Variants in EXOC6 observed in about 807,000 individuals in gnomAD.
EXOC6 encodes the protein exocyst complex component 6, also known as SEC15-like 1.
Under a neutral mutation model 112.5 loss-of-function variants are expected in EXOC6, and 60 were observed. The ratio of observed to expected loss-of-function variants is 0.53; its 90% CI spans 0.43 to 0.66. The LOEUF is 0.66. Among genes scored for constraint, EXOC6 ranks in the 30% least tolerant of loss-of-function variants. EXOC6 has a pLI of 0.00. For synonymous variants in EXOC6, 295 were observed against 308.0 expected, an observed-to-expected ratio of 0.96 and a Z score of 0.44; for missense variants, 855 against 957.1, an observed-to-expected ratio of 0.89 and a Z score of 1.41.
intron 1 of EXOC6, among the ~76,000 whole-genome samples, chr10:92,842,317 C>A (rs1846883639): frequency 6.8e-6 from 1 of 148,136 alleles, no homozygotes. Flanking sequence ...TGAGATCACA[C>A]CATTGCACTC....
intron 18 of EXOC6, among the ~76,000 whole-genome samples, chr10:92,976,679 A>T (rs181671899): frequency 0.016 from 1,704 of 104,804 alleles, 17 homozygotes; most frequent in Admixed American, 0.022. Context: ...ATAATAAATT[A>T]AAAAAAAAAA....
At position 92,950,696 on chromosome 10, in the gene EXOC6, C is replaced by T. The variant is rs573002356; in HGVS notation, c.1417-1577C>T. Among the ~76,000 whole-genome samples, 7 of 152,246 alleles carry T rather than the reference C, an allele frequency of 4.6e-5. No individual in the cohort carries two copies. The South Asian group carries it at 1.5e-3, about 32-fold the overall frequency. On this transcript the variant is annotated intron_variant, in intron 14 of 21. Coordinates refer to ENST00000260762, the MANE Select transcript of EXOC6 (RefSeq NM_019053.6). ...ATTGGAGAAGTAGAAAGGACCAGAC[C>T]ATAATGGCCCTACTAAACAGTGTTA...
At chr10:93,004,903 T>G (rs7081888) in intron 19 of EXOC6, among the ~76,000 whole-genome samples, 16,268 of 152,176 alleles carry the variant, frequency 0.11, 988 homozygotes, top group African/African-American at 0.16. Context: ...GAATTTGGAA[T>G]TGATAAATGT....
intron 1 of EXOC6, among the ~76,000 whole-genome samples, chr10:92,859,970 T>A (rs1847827772): frequency 6.6e-6 from 1 of 151,834 alleles, no homozygotes; most frequent in Non-Finnish European, 1.5e-5. Flanking sequence ...CACCACCAGG[T>A]AAAGGAAGCT....
chr10:92,967,234 A>G (rs1021276665), intron 17 of EXOC6, among the ~76,000 whole-genome samples: 1 of 151,994 alleles, frequency 6.6e-6, no homozygotes, highest in African/African-American at 2.4e-5. Context: ...TCCCATTTGT[A>G]GGTTGCCTGT....
chr10:92,922,228 G>A (rs976408699), intron 8 of EXOC6, among the ~76,000 whole-genome samples: 1 of 152,150 alleles, frequency 6.6e-6, no homozygotes, highest in Non-Finnish European at 1.5e-5. Context: ...TTACAGGCAT[G>A]AGCCACCGTG....
chr10:92,896,173 ATATATATATT>A (rs1849794873), intron 4 of EXOC6, among the ~76,000 whole-genome samples: 13 of 23,806 alleles, frequency 5.5e-4, no homozygotes, highest in African/African-American at 9.5e-4. Flanking sequence ...ATATATATAT[ATATATATATT>A]TTTTTTTTTT....
chr10:93,027,864 A>C (rs1389843766), intron 20 of EXOC6, among the ~76,000 whole-genome samples: 5 of 152,230 alleles, frequency 3.3e-5, no homozygotes, highest in Admixed American at 3.3e-4. Flanking sequence ...CCATGGATCA[A>C]GGAATGATTT....
chr10:93,037,856 G>GGTGAAA (rs1845582389), intron 20 of EXOC6, among the ~76,000 whole-genome samples: 1 of 149,854 alleles, frequency 6.7e-6, no homozygotes. Flanking sequence ...TCGAGACCAC[G>GGTGAAA]GTGAAACCCC....
intron 13 of EXOC6, among the ~76,000 whole-genome samples, chr10:92,941,870 CTTCT>C (rs1178764643): frequency 6.6e-6 from 1 of 152,124 alleles, no homozygotes. Flanking sequence ...TCCTCCCTCC[CTTCT>C]TTCTTTCTTT....
At chr10:93,009,845 C>A (rs1294689639) in intron 19 of EXOC6, among the ~76,000 whole-genome samples, 1 of 152,090 alleles carries the variant, frequency 6.6e-6, no homozygotes, top group East Asian at 1.9e-4. Flanking sequence ...TGCAAAGGAC[C>A]TTAGCCTTGT....
chr10:92,863,023 C>G (rs969091846), intron 1 of EXOC6, among the ~76,000 whole-genome samples: 2 of 152,174 alleles, frequency 1.3e-5, no homozygotes, highest in South Asian at 4.1e-4. Context: ...ACTTAACAGC[C>G]TATAGCAGAG....
chr10:92,932,222 T>C (rs1852079143), intron 9 of EXOC6, among the ~76,000 whole-genome samples: 1 of 152,170 alleles, frequency 6.6e-6, no homozygotes, highest in South Asian at 2.1e-4. Context: ...ATATGAGTAA[T>C]GTTATATGAC....
At chr10:92,831,432 TTTTTTTA>T, upstream of EXOC6, 1 of 870,846 alleles carries the variant, frequency 1.1e-6, no homozygotes, top group Non-Finnish European at 1.6e-6. Flanking sequence ...TATTCTATTT[TTTTTTTA>T]TTTTTATTTT....
intron 9 of EXOC6, among the ~76,000 whole-genome samples, chr10:92,931,580 T>G (rs1184906229): frequency 6.6e-6 from 1 of 151,242 alleles, no homozygotes; most frequent in Non-Finnish European, 1.5e-5. Flanking sequence ...ATTCAAATCT[T>G]TTGTCCATTC....
intron 17 of EXOC6, 127 bp downstream of exon 17, chr10:92,955,841 G>A: frequency 1.3e-6 from 1 of 799,568 alleles, no homozygotes; most frequent in Non-Finnish European, 1.9e-6. Context: ...GGTATTCATT[G>A]TCAACAATGA....
intron 20 of EXOC6, among the ~76,000 whole-genome samples, chr10:93,018,381 G>A (rs1844637452): frequency 6.6e-6 from 1 of 152,024 alleles, no homozygotes; most frequent in Non-Finnish European, 1.5e-5. Flanking sequence ...AGTTATACAT[G>A]TTTTCAAAAA....
intron 5 of EXOC6, among the ~76,000 whole-genome samples, chr10:92,907,930 AATTTAGATGGT>A (rs1850532896): frequency 6.6e-6 from 1 of 152,138 alleles, no homozygotes; most frequent in Admixed American, 6.6e-5. Flanking sequence ...ACCAAGATAA[AATTTAGATGGT>A]CTAATTTTTA....
At chr10:92,901,563 CT>C (rs914713587) in intron 5 of EXOC6, 1 of 145,996 alleles carries the variant, frequency 6.8e-6, no homozygotes, top group African/African-American at 2.5e-5. Context: ...GTGTCTTTGT[CT>C]TTGAGTATTT....
Sources: gnomAD v4.1 joint callset for allele counts (sites outside exome capture counted in the v4.1 genomes callset) on GRCh38, gnomAD v4.1.1 for gene constraint, MANE v1.5 for transcripts, NCBI Gene and HGNC (gene_info 2026-07-23, HGNC 2026-07-21) for gene names.